MYOF: variants seen among roughly 807,000 people sequenced by gnomAD.
The protein encoded by MYOF is fer-1-like 3, myoferlin.
In MYOF, 244 loss-of-function variants were observed where a neutral mutation model predicts 284.2. The ratio of observed to expected loss-of-function variants is 0.86; its 90% CI spans 0.77 to 0.95. MYOF has a LOEUF of 0.95. Among genes scored for constraint, MYOF ranks in the 40% least tolerant of loss-of-function variants. The probability of loss-of-function intolerance (pLI) is 0.00; values close to 1 mark genes in which losing one functional copy is unlikely to be tolerated. For synonymous variants in MYOF, 904 were observed against 919.7 expected (o/e 0.98, Z 0.31); for missense variants, 2,496 against 2,560.6 (o/e 0.97, Z 0.54).
At chr10:93,309,884 C>T in intron 53 of MYOF, 136 bp downstream of exon 53, 1 of 1,068,906 alleles carries the variant, frequency 9.4e-7, no homozygotes, top group Non-Finnish European at 1.3e-6. Flanking sequence ...TTAAATTTCC[C>T]CAAAGCAGAA....
rs1843826805 is a variant in MYOF, at chr10:93,340,095, A to T, written c.4338+58T>A. 3.8e-6 allele frequency: 6 copies of T among 1,599,232 alleles called. No individual in the cohort carries two copies. In the South Asian group the frequency reaches 6.7e-5, roughly 18 times the overall value. On this transcript the variant is annotated intron_variant, in intron 39 of 53. Transcript: ENST00000359263. ...ACTCCTTCTCAAAAAAAGAAAAGAAAAATTCTGGGCAGAAAATACATGAAT... is the reference window on the plus strand; with the variant it reads ...ACTCCTTCTCAAAAAAAGAAAAGAATAATTCTGGGCAGAAAATACATGAAT...
In MYOF at chr10:93,408,909, C is replaced by G. The variant is rs199781171; in HGVS notation, c.607G>C (p.Val203Leu). The G allele has an allele frequency of 6.2e-7, 1 of 1,614,174 alleles. No homozygotes were observed. The highest frequency in any genetic ancestry group is 8.5e-7 in the Non-Finnish European group (1 of 1,180,032). The change falls in exon 7 of 54, where the codon GTC becomes CTC. Residue 203 changes from valine (V) to leucine (L), a missense_variant. Transcript: ENST00000359263. Reference protein sequence around the residue: ...SNKPQDFQIRVRVIEGRQLSG... With the variant: ...SNKPQDFQIRLRVIEGRQLSG... ...AACTGTCGGCCCTCAATCACTCGGA[C>G]GCGGATCTGCAGCACAGAAGGGGGA... is the stretch of plus-strand genomic sequence containing the variant.
chr10:93,389,673 A>C (rs1250197228), intron 17 of MYOF, among the ~76,000 whole-genome samples: 1 of 152,246 alleles, frequency 6.6e-6, no homozygotes, highest in East Asian at 1.9e-4. Context: ...TTGTAAGACC[A>C]TGTGATATTC....
rs186536635 is a variant in MYOF, at chr10:93,442,568, T to G, written c.236+9482A>C. On this transcript the variant is annotated intron_variant, in intron 3 of 53. Transcript: ENST00000359263. ...TCAGGCCTTTTTGTTATCTCCTTCC[T>G]ACAATACGGCAAAACAGATGCCTTG... Among the ~76,000 whole-genome samples, 141 of 152,328 alleles carry G rather than the reference T, an allele frequency of 9.3e-4. 1 individual carries two copies. Among genetic ancestry groups the G allele is most frequent in the African/African-American group, 3.3e-3 (136 of 41,576 alleles).
rs146317534 is a variant in MYOF at position 93,348,064 on chromosome 10, T to G, written c.4084-282A>C. On this transcript the variant is annotated intron_variant, in intron 36 of 53. Transcript: ENST00000359263. ...TAATAGTAACATTGTTGAATTACTC[T>G]ATGTGAAGAGTACTTAGAATAGTAC... is the stretch of plus-strand genomic sequence containing the variant. Among the ~76,000 whole-genome samples, 781 of 152,350 alleles carry G rather than the reference T, an allele frequency of 5.1e-3. 8 individuals are homozygous for G. Among genetic ancestry groups the G allele is most frequent in the African/African-American group, 0.018 (744 of 41,576 alleles).
chr10:93,461,411 T>C (rs1589606102), intron 1 of MYOF, among the ~76,000 whole-genome samples: 1 of 152,126 alleles, frequency 6.6e-6, no homozygotes. Context: ...AGAGGAAATG[T>C]GGCTATACGG....
At chr10:93,420,295 T>G (rs1179552620) in intron 5 of MYOF, among the ~76,000 whole-genome samples, 3 of 152,198 alleles carry the variant, frequency 2.0e-5, no homozygotes, top group Admixed American at 1.3e-4. Flanking sequence ...GCTACGGGAA[T>G]GTAGGCTCCA....
chr10:93,384,284 A>G (rs1485707192), intron 19 of MYOF, among the ~76,000 whole-genome samples: 2 of 152,174 alleles, frequency 1.3e-5, no homozygotes, highest in African/African-American at 4.8e-5. Context: ...AGGAACAATA[A>G]ACACCATTCA....
At position 93,319,933 on chromosome 10, in the gene MYOF, C is replaced by T; in HGVS notation, c.5537G>A (p.Trp1846Ter). 1 of 1,614,176 alleles carries T rather than the reference C, an allele frequency of 6.2e-7. No individual in the cohort carries two copies. Among genetic ancestry groups the T allele is most frequent in the Non-Finnish European group, 8.5e-7 (1 of 1,180,030 alleles). Reference sequence around the variant, plus strand: ...GTAGTCAAACGGGAAAACAAATCGCCAGTTAAAATTCCCTTCACCATCCAA... The same window carrying T: ...GTAGTCAAACGGGAAAACAAATCGCTAGTTAAAATTCCCTTCACCATCCAA... ...RSLDGEGNFN[W>*]RFVFPFDYLP... The change falls in exon 49 of 54, where the codon TGG becomes TAG. Residue 1846 changes from tryptophan (W) to a stop codon, truncating the protein, a stop_gained. Coordinates refer to ENST00000359263, the MANE Select transcript of MYOF (RefSeq NM_013451.4). LOFTEE classifies it high-confidence loss of function.
intron 32 of MYOF, 152 bp from the exon 33 acceptor site, chr10:93,351,998 C>T (rs919520704): frequency 1.4e-6 from 1 of 707,834 alleles, no homozygotes; most frequent in Admixed American, 3.6e-5. Flanking sequence ...GCAGGGAGTT[C>T]CCCATGGAAG....
intron 43 of MYOF, among the ~76,000 whole-genome samples, chr10:93,331,088 C>T (rs1843276425): frequency 6.6e-6 from 1 of 152,176 alleles, no homozygotes; most frequent in Admixed American, 6.5e-5. Context: ...CTTGGTTTTA[C>T]TAAGGAATAT....
At chr10:93,397,599 G>A (rs1188328492) in intron 13 of MYOF, 143 bp from the exon 14 acceptor site, 7 of 538,726 alleles carry the variant, frequency 1.3e-5, no homozygotes, top group African/African-American at 2.0e-5. Flanking sequence ...TTGATGATTT[G>A]TAAAATATGA....
At chr10:93,346,581 T>C (rs1186123384) in intron 37 of MYOF, among the ~76,000 whole-genome samples, 1 of 152,276 alleles carries the variant, frequency 6.6e-6, no homozygotes, top group Non-Finnish European at 1.5e-5. Flanking sequence ...TATTATTTAT[T>C]ATGGAAATCT....
At chr10:93,340,641 T>G (rs1216297061) in intron 38 of MYOF, among the ~76,000 whole-genome samples, 2 of 152,196 alleles carry the variant, frequency 1.3e-5, no homozygotes, top group African/African-American at 4.8e-5. Flanking sequence ...TTGACTGCAA[T>G]GTTATCATAC....
At chr10:93,333,630 T>G in intron 42 of MYOF, 128 bp downstream of exon 42, 5 of 1,260,946 alleles carry the variant, frequency 4.0e-6, no homozygotes, top group Non-Finnish European at 4.4e-6. Flanking sequence ...CCTGAATACA[T>G]TGTTTTGATG....
intron 32 of MYOF, 78 bp from the exon 33 acceptor site, chr10:93,351,924 C>A: frequency 3.8e-6 from 5 of 1,321,298 alleles, no homozygotes; most frequent in Non-Finnish European, 5.1e-6. Flanking sequence ...CAACCATATT[C>A]TTTTCCTCTG....
At chr10:93,315,587 C>T (rs1828447449) in intron 50 of MYOF, among the ~76,000 whole-genome samples, 1 of 152,018 alleles carries the variant, frequency 6.6e-6, no homozygotes, top group African/African-American at 2.4e-5. Flanking sequence ...TCACTGCCAG[C>T]CAGATATAAA....
intron 3 of MYOF, among the ~76,000 whole-genome samples, chr10:93,439,434 T>C (rs552972775): frequency 6.6e-6 from 1 of 152,354 alleles, no homozygotes; most frequent in South Asian, 2.1e-4. Context: ...GTTCCGATGC[T>C]CTGTCTCCAG....
intron 1 of MYOF, among the ~76,000 whole-genome samples, chr10:93,466,923 G>A (rs551673322): frequency 5.9e-5 from 9 of 152,188 alleles, no homozygotes; most frequent in African/African-American, 1.7e-4. Flanking sequence ...GGCTGCAGTG[G>A]GCCGTGATCA....
Sources: allele counts gnomAD v4.1 joint callset (sites outside exome capture counted in the v4.1 genomes callset), GRCh38; gene constraint gnomAD v4.1.1; transcripts MANE v1.5; gene names NCBI Gene and HGNC (gene_info 2026-07-23, HGNC 2026-07-21).